Variants in EFCAB5 observed in about 807,000 individuals in gnomAD.
EFCAB5 encodes the protein EF-hand calcium-binding domain-containing protein 5.
A neutral mutation model predicts 167.9 loss-of-function variants in EFCAB5; 131 were observed. That is an observed-to-expected ratio of 0.78 (90% CI 0.68 to 0.90). The LOEUF (loss-of-function observed/expected upper bound fraction) is 0.90. Among genes scored for constraint, EFCAB5 ranks in the 40% least tolerant of loss-of-function variants. EFCAB5 has a pLI of 0.00. For synonymous variants in EFCAB5, 574 were observed against 602.8 expected (o/e 0.95, Z 0.70); for missense variants, 1,663 against 1,745.2 (o/e 0.95, Z 0.84).
At chr17:30,036,924 T>C (rs2069644441) in intron 8 of EFCAB5, among the ~76,000 whole-genome samples, 1 of 152,134 alleles carries the variant, frequency 6.6e-6, no homozygotes, top group Non-Finnish European at 1.5e-5. Flanking sequence ...TGTGTGTGAC[T>C]AGAATTTAAA....
chr17:30,001,432 C>A (rs1302677611), intron 7 of EFCAB5, among the ~76,000 whole-genome samples: 1 of 152,108 alleles, frequency 6.6e-6, no homozygotes, highest in Non-Finnish European at 1.5e-5. Flanking sequence ...GCCTATTTGT[C>A]TTATATTAGT....
In EFCAB5 at chr17:30,059,671, G is replaced by A. The variant is rs1208646197; in HGVS notation, c.2707G>A (p.Glu903Lys). The A allele has an allele frequency of 6.3e-7, 1 of 1,599,190 alleles. No homozygotes were observed. The highest frequency in any genetic ancestry group is 1.1e-5 in the South Asian group (1 of 88,856). Residue 903 changes from glutamate to lysine, a missense_variant, in exon 14 of 23, where the codon GAG (glutamate) becomes AAG (lysine). Glu to Lys is a moderately conservative substitution (Grantham distance 56). Coordinates refer to ENST00000394835, the MANE Select transcript of EFCAB5 (RefSeq NM_198529.4). Reference sequence around the variant, plus strand: ...TGATGAACTCTTGTACACATACAAGGAGGGAATGGAAAAAGAATCTATGAA... The same window carrying A: ...TGATGAACTCTTGTACACATACAAGAAGGGAATGGAAAAAGAATCTATGAA... ...EVDELLYTYK[E>K]GMEKESMKKA...
At chr17:30,059,274 AT>A (rs1207901620) in intron 13 of EFCAB5, 10 of 218,784 alleles carry the variant, frequency 4.6e-5, no homozygotes, top group East Asian at 2.8e-4. Flanking sequence ...TTTAAAAAAA[AT>A]TTTTTTTAAG....
intron 4 of EFCAB5, among the ~76,000 whole-genome samples, chr17:29,979,952 C>G (rs573929306): frequency 6.6e-6 from 1 of 151,970 alleles, no homozygotes; most frequent in Non-Finnish European, 1.5e-5. Context: ...GTGGATCACC[C>G]GAGGTCAGGA....
rs2069563096 is a variant in EFCAB5, at chr17:30,034,385, G to A, written c.1200G>A (p.Lys400=). 6.3e-7 allele frequency: 1 copy of A among 1,583,926 alleles called. No homozygotes were observed. The highest frequency in any genetic ancestry group is 8.6e-7 in the Non-Finnish European group (1 of 1,163,218). Residue 400 remains lysine (K), a splice_region_variant and synonymous_variant, in exon 8 of 23, where the codon AAG becomes AAA. Coordinates refer to ENST00000394835, the MANE Select transcript of EFCAB5 (RefSeq NM_198529.4). ...AELFLHCDHG[K]VGFLDRQRTL... is the part of the protein sequence containing the mutation. Reference sequence around the variant, plus strand: ...TCTTCCTACATTGTGACCACGGGAAGGTGGGTTAAGACATTTAAATAATTG... The same window carrying A: ...TCTTCCTACATTGTGACCACGGGAAAGTGGGTTAAGACATTTAAATAATTG...
rs200837797 is a variant in EFCAB5 at position 30,002,717 on chromosome 17, A to ATTTC, written c.1044+2744_1044+2747dup. 6.8e-4 allele frequency among the ~76,000 whole-genome samples: 103 copies of ATTTC among 152,238 alleles called. No individual in the cohort carries two copies. The East Asian group carries it at 0.019, about 28-fold the overall frequency. ...TTCTTTTATGCACTCTATTTAGAGA[A>ATTTC]TTTCTTCTATAGCCATTCTTTTACA... On this transcript the variant is annotated intron_variant, in intron 7 of 22. Coordinates refer to ENST00000394835, the MANE Select transcript of EFCAB5 (RefSeq NM_198529.4).
intron 3 of EFCAB5, 38 bp downstream of exon 3, chr17:29,943,687 A>C: frequency 6.5e-7 from 1 of 1,529,228 alleles, no homozygotes. Flanking sequence ...ATAGAATCTA[A>C]AACTGGCTGG....
intron 4 of EFCAB5, among the ~76,000 whole-genome samples, chr17:29,976,305 C>T (rs772029709): frequency 2.6e-5 from 4 of 152,076 alleles, no homozygotes; most frequent in Non-Finnish European, 4.4e-5. Flanking sequence ...GGGAGTTTGA[C>T]TTCTTAGGGT....
chr17:30,057,516 T>C (rs887924251), intron 12 of EFCAB5, among the ~76,000 whole-genome samples, 160 bp from the exon 13 acceptor site: 5 of 152,178 alleles, frequency 3.3e-5, no homozygotes, highest in African/African-American at 4.8e-5. Flanking sequence ...AATGGAGAGA[T>C]GTTTTTCCAA....
intron 14 of EFCAB5, chr17:30,074,346 G>T (rs2070825423): frequency 6.6e-6 from 1 of 152,176 alleles, no homozygotes; most frequent in African/African-American, 2.4e-5. Context: ...TGTTGCCCAG[G>T]CTGGCCACTA....
At position 30,107,897 on chromosome 17, in the gene EFCAB5, T is replaced by C. The variant is rs780981458; in HGVS notation, c.4385T>C (p.Ile1462Thr). Residue 1462 changes from isoleucine to threonine, a missense_variant, in exon 23 of 23, where the codon ATA becomes ACA. Ile to Thr is a moderately conservative substitution (Grantham distance 89, BLOSUM62 -1). Transcript: ENST00000394835. ...GTCATTGAACATCTATACCACTGGA[T>C]ACACATCTGTTCAGCTCTCATGAAG... ...NVVIEHLYHW[I>T]HICSALMKIT... is the part of the protein sequence containing the mutation. 7.5e-6 allele frequency: 12 copies of C among 1,609,020 alleles called. No individual in the cohort carries two copies. The highest frequency in any genetic ancestry group is 1.0e-5 in the Non-Finnish European group (12 of 1,178,766).
At chr17:29,962,800 C>T (rs6505148) in intron 3 of EFCAB5, among the ~76,000 whole-genome samples, 73,750 of 151,634 alleles carry the variant, frequency 0.49, 18,306 homozygotes, top group East Asian at 0.69. Context: ...TTTGTTTGTT[C>T]TTCTTGTCTT....
chr17:30,028,709 G>A (rs1046985413), intron 7 of EFCAB5, among the ~76,000 whole-genome samples: 6 of 152,158 alleles, frequency 3.9e-5, no homozygotes, highest in African/African-American at 1.4e-4. Context: ...TTAAACAACC[G>A]AAATTTAATT....
chr17:30,073,168 A>G lies in EFCAB5; in HGVS notation c.2738-5047A>G. ...ACTCCCGGACTCAAGCGATCATCCC[A>G]TCACAGACTCCTGAGCAACTGGGAC... is the stretch of plus-strand genomic sequence containing the variant. On this transcript the variant is annotated intron_variant, in intron 14 of 22. Transcript: ENST00000394835. 3 of 698,290 alleles carry G rather than the reference A, an allele frequency of 4.3e-6. No homozygotes were observed. The South Asian group carries it at 4.5e-5, about 10-fold the overall frequency. The allele number at this position is 698,290 out of a possible 1,614,324, so 43.3% of individuals were successfully genotyped here. A position where few individuals can be genotyped will look rare whatever the true frequency, so the allele number is the denominator to read the frequency against.
At chr17:30,040,317 C>T (rs994223384) in intron 8 of EFCAB5, among the ~76,000 whole-genome samples, 1 of 152,138 alleles carries the variant, frequency 6.6e-6, no homozygotes, top group Admixed American at 6.5e-5. Context: ...TTTGGCGTTC[C>T]TTGGAGACTT....
At chr17:29,955,828 A>G (rs2067604084) in intron 3 of EFCAB5, among the ~76,000 whole-genome samples, 1 of 152,062 alleles carries the variant, frequency 6.6e-6, no homozygotes, top group East Asian at 1.9e-4. Context: ...TCTAAAATTT[A>G]TGTGGAACCA....
Position 30,080,868 on chromosome 17 carries a change from G to T in EFCAB5, c.3313G>T (p.Ala1105Ser). ...NKHDYNGSFL[A>S]LPLQDAYMRI... ...GCATGATTATAATGGTTCATTCCTG[G>T]CTCTGCCTCTTCAAGATGCATATAT... The change falls in exon 17 of 23, where the codon GCT becomes TCT. Residue 1105 changes from alanine to serine, a missense_variant. Ala to Ser is a moderately conservative substitution (Grantham distance 99). Transcript: ENST00000394835. 6.2e-7 allele frequency: 1 copy of T among 1,613,770 alleles called. No individual in the cohort carries two copies. The highest frequency in any genetic ancestry group is 2.2e-5 in the East Asian group (1 of 44,870).
intron 4 of EFCAB5, among the ~76,000 whole-genome samples, chr17:29,985,411 C>G (rs903997222): frequency 3.7e-4 from 57 of 152,188 alleles, no homozygotes; most frequent in Admixed American, 6.5e-4. Context: ...GAGACCAGCT[C>G]AGTCATGGAG....
At chr17:29,984,037 T>A (rs966098492) in intron 4 of EFCAB5, among the ~76,000 whole-genome samples, 3 of 152,106 alleles carry the variant, frequency 2.0e-5, no homozygotes, top group Non-Finnish European at 4.4e-5. Context: ...TTTACTTATC[T>A]GTTCTGCCAT....
Sources: allele counts gnomAD v4.1 joint callset (sites outside exome capture counted in the v4.1 genomes callset), GRCh38; gene constraint gnomAD v4.1.1; transcripts MANE v1.5; gene names NCBI Gene and HGNC (gene_info 2026-07-23, HGNC 2026-07-21).